The following TRPC5 variants were observed in gnomAD, a reference collection of about 807,000 sequenced individuals.
TRPC5 encodes the protein short transient receptor potential channel 5.
TRPC5 carries 9 observed loss-of-function variants against 56.5 expected under a neutral mutation model. That is an observed-to-expected ratio of 0.16 (90% confidence interval 0.10 to 0.28). TRPC5 has a LOEUF of 0.28. Ranked by LOEUF, TRPC5 falls within the 10% of genes least tolerant of loss-of-function variation. TRPC5 has a pLI of 1.00. For missense variants in TRPC5, 469 were observed against 748.9 expected (o/e 0.63, Z 4.36); for synonymous variants, 282 against 278.5 (o/e 1.01, Z -0.13).
At chrX:112,069,674 C>T (rs1323854955) in intron 1 of TRPC5, among the ~76,000 whole-genome samples, 1 of 112,144 alleles carries the variant, frequency 8.9e-6, no homozygotes, top group African/African-American at 3.2e-5. Context: ...GAATCTGTAG[C>T]CTCCTCAGAC....
chrX:112,023,234 GTTTTTTTTTTTGTTTTTTTT>G (rs1452379786), intron 1 of TRPC5, among the ~76,000 whole-genome samples: 5 of 45,960 alleles, frequency 1.1e-4, no homozygotes, highest in African/African-American at 2.4e-4. Context: ...GCGCCCAGCA[GTTTTTTTTTTTGTTTTTTTT>G]TTTTTTTTTT....
Position 111,847,381 on chromosome X carries a change from G to A in TRPC5, c.1433C>T (p.Ala478Val). The A allele has an allele frequency of 3.3e-6, 4 of 1,211,612 alleles. No homozygotes were observed. The highest frequency in any genetic ancestry group is 4.5e-6 in the Non-Finnish European group (4 of 895,514). The change falls in exon 6 of 11, where the codon GCG becomes GTG. Residue 478 changes from alanine to valine, a missense_variant. Coordinates refer to ENST00000262839, the MANE Select transcript of TRPC5 (RefSeq NM_012471.3). Reference protein sequence around the residue: ...EWEMWHPTLIAEALFAISNIL... With the variant: ...EWEMWHPTLIVEALFAISNIL... ...GTTGGATATTGCGAAGAGTGCTTCC[G>A]CAATCAGAGTCGGGTGCCACATTTC...
At chrX:111,959,459 A>G (rs1015791039) in intron 1 of TRPC5, among the ~76,000 whole-genome samples, 5 of 112,327 alleles carry the variant, frequency 4.5e-5, no homozygotes, top group African/African-American at 9.7e-5. Context: ...TACACTACAA[A>G]AAGTCAAACA....
At chrX:111,938,661 A>C (rs949077249) in intron 2 of TRPC5, among the ~76,000 whole-genome samples, 1 of 111,249 alleles carries the variant, frequency 9.0e-6, no homozygotes, top group Non-Finnish European at 1.9e-5. Context: ...ATTGATTTGC[A>C]TGTATTGAAC....
At chrX:111,982,563 A>G (rs1928110162) in intron 1 of TRPC5, among the ~76,000 whole-genome samples, 1 of 111,639 alleles carries the variant, frequency 9.0e-6, no homozygotes, top group African/African-American at 3.3e-5. Flanking sequence ...CCTTACCTTC[A>G]TTATGGAGTA....
intron 3 of TRPC5, among the ~76,000 whole-genome samples, chrX:111,905,788 G>A (rs765354362): frequency 8.3e-5 from 9 of 108,892 alleles, no homozygotes; most frequent in Admixed American, 4.9e-4. Context: ...GGTGGCGGGC[G>A]CCTGTAGTCC....
Position 111,950,107 on chromosome X carries a change from G to A in TRPC5, c.378+1936C>T, listed in dbSNP as rs1348586984. Among the ~76,000 whole-genome samples, 3 of 111,318 alleles carry A rather than the reference G, an allele frequency of 2.7e-5. No homozygotes were observed. In the East Asian group the frequency reaches 8.5e-4, roughly 32 times the overall value. ...TGGGAGGCCAAGGTGGGCAGATCAC[G>A]AGGTCAGGAGATCAAGAACATCCTG... On this transcript the variant is annotated intron_variant, in intron 2 of 10. Coordinates refer to ENST00000262839, the MANE Select transcript of TRPC5 (RefSeq NM_012471.3).
At chrX:112,038,183 G>T (rs2147724516) in intron 1 of TRPC5, among the ~76,000 whole-genome samples, 1 of 111,614 alleles carries the variant, frequency 9.0e-6, no homozygotes, top group Non-Finnish European at 1.9e-5. Context: ...TTTTGAAAAA[G>T]GAATCTTTCT....
rs1404651951 is a variant in TRPC5 at position 111,854,119 on chromosome X, G to T, written c.901-13C>A. ...GCTGAGCAACAAACTGGGAAAAGAAGAAAACAAGTTAGGCATCTGGAATGT... is the reference window on the plus strand; with the variant it reads ...GCTGAGCAACAAACTGGGAAAAGAATAAAACAAGTTAGGCATCTGGAATGT... On this transcript the variant is annotated splice_polypyrimidine_tract_variant and intron_variant, in intron 3 of 10. Transcript: ENST00000262839. The T allele has an allele frequency of 5.0e-6, 6 of 1,192,439 alleles. No homozygotes were observed. The highest frequency in any genetic ancestry group is 6.8e-6 in the Non-Finnish European group (6 of 884,624).
Position 111,981,020 on chromosome X carries a change from T to C in TRPC5, c.-21-28579A>G, listed in dbSNP as rs72619724. 7.8e-4 allele frequency among the ~76,000 whole-genome samples: 84 copies of C among 108,212 alleles called. No individual in the cohort carries two copies. In the East Asian group the frequency reaches 0.018, roughly 23 times the overall value. The allele number at this position is 108,212 out of a possible 115,157, so 94.0% of individuals were successfully genotyped here. A position where few individuals can be genotyped will look rare whatever the true frequency, so the allele number is the denominator to read the frequency against. On this transcript the variant is annotated intron_variant, in intron 1 of 10. Coordinates refer to ENST00000262839, the MANE Select transcript of TRPC5 (RefSeq NM_012471.3). ...ATACAGAGAAGACTATCTATGTGTA[T>C]GTATGTATATATCCGTATATGTATA...
chrX:111,796,439 A>C (rs762228169), intron 7 of TRPC5, among the ~76,000 whole-genome samples: 41 of 111,816 alleles, frequency 3.7e-4, no homozygotes, highest in African/African-American at 1.3e-3. Context: ...AGACATTTTA[A>C]AAACATAATG....
At chrX:111,991,013 G>A (rs1009560) in intron 1 of TRPC5, among the ~76,000 whole-genome samples, 8,003 of 111,722 alleles carry the variant, frequency 0.072, 459 homozygotes, top group African/African-American at 0.19. Context: ...GATTGCCACT[G>A]AATGAGGTAA....
chrX:111,797,625 T>C (rs916646423), intron 7 of TRPC5, among the ~76,000 whole-genome samples: 2 of 112,411 alleles, frequency 1.8e-5, no homozygotes, highest in East Asian at 5.6e-4. Context: ...AATTTGTGTT[T>C]AAAAATATTT....
chrX:111,964,098 C>A (rs1004903759), intron 1 of TRPC5, among the ~76,000 whole-genome samples: 1 of 111,294 alleles, frequency 9.0e-6, no homozygotes, highest in Admixed American at 9.6e-5. Context: ...CGAATGGATA[C>A]CTAGAATAAC....
At chrX:111,840,833 C>T (rs1005936199) in intron 6 of TRPC5, among the ~76,000 whole-genome samples, 2 of 112,427 alleles carry the variant, frequency 1.8e-5, no homozygotes, top group African/African-American at 3.2e-5. Context: ...TGTTCATTTG[C>T]GTTCCCCATT....
chrX:111,845,215 G>C (rs374774522), intron 6 of TRPC5, among the ~76,000 whole-genome samples: 2 of 111,691 alleles, frequency 1.8e-5, no homozygotes, highest in South Asian at 7.6e-4. Context: ...TCCAGTCTGG[G>C]TGACAGAGCA....
At chrX:111,784,223 G>A (rs921426097) in intron 7 of TRPC5, among the ~76,000 whole-genome samples, 2 of 111,917 alleles carry the variant, frequency 1.8e-5, no homozygotes, top group African/African-American at 3.2e-5. Context: ...GTAAATCTTT[G>A]TGACCTTGGA....
At chrX:111,946,615 T>A (rs1382626817) in intron 2 of TRPC5, among the ~76,000 whole-genome samples, 1 of 112,157 alleles carries the variant, frequency 8.9e-6, no homozygotes, top group Non-Finnish European at 1.9e-5. Flanking sequence ...AATATGAAAG[T>A]CCAGAGGGTC....
At chrX:111,944,496 T>G (rs187974383) in intron 2 of TRPC5, among the ~76,000 whole-genome samples, 1 of 110,581 alleles carries the variant, frequency 9.0e-6, no homozygotes, top group East Asian at 2.8e-4. Flanking sequence ...ATAGAGAGTA[T>G]AGTGGGTTGA....
Sources: gnomAD v4.1 joint callset for allele counts (sites outside exome capture counted in the v4.1 genomes callset) on GRCh38, gnomAD v4.1.1 for gene constraint, MANE v1.5 for transcripts, NCBI Gene and HGNC (gene_info 2026-07-23, HGNC 2026-07-21) for gene names.